ADGRF1: variants seen among roughly 807,000 people sequenced by gnomAD.
ADGRF1 encodes the protein adhesion G protein-coupled receptor F1, also known as G protein-coupled receptor 110.
Under a neutral mutation model 87.2 loss-of-function variants are expected in ADGRF1, and 85 were observed. The observed-to-expected ratio is 0.97, with a 90% CI of 0.82 to 1.17. ADGRF1 has a LOEUF of 1.17. ADGRF1 is among the 50% of genes most tolerant of loss of function. The pLI, the probability that ADGRF1 is intolerant of heterozygous loss-of-function variation, is 0.00. For missense variants in ADGRF1, 1,169 were observed against 1,077.2 expected, an observed-to-expected ratio of 1.09 and a Z score of -1.19; for synonymous variants, 430 against 408.8, an observed-to-expected ratio of 1.05 and a Z score of -0.63.
intron 1 of ADGRF1, among the ~76,000 whole-genome samples, chr6:47,041,218 G>A (rs1448481167): frequency 6.6e-6 from 1 of 152,228 alleles, no homozygotes; most frequent in African/African-American, 2.4e-5. Flanking sequence ...TTGGGTTATG[G>A]TTAGATAATG....
chr6:47,030,576 ATGTGTGTGTGTGTGTGTGTGTGTG>A (rs3030596), intron 1 of ADGRF1, among the ~76,000 whole-genome samples: 2 of 138,464 alleles, frequency 1.4e-5, no homozygotes, highest in African/African-American at 5.4e-5. Context: ...TAACATGAAT[ATGTGTGTGTGTGTGTGTGTGTGTG>A]TGTGTGTGTG....
chr6:47,000,109 G>T lies in ADGRF1; in HGVS notation c.*113C>A. 1.4e-6 allele frequency: 1 copy of T among 725,828 alleles called. No homozygotes were observed. The highest frequency in any genetic ancestry group is 2.4e-6 in the Non-Finnish European group (1 of 417,452). 45.0% of individuals were successfully genotyped at this position (725,828 alleles called of 1,614,324 possible). A position where few individuals can be genotyped will look rare whatever the true frequency, so the allele number is the denominator to read the frequency against. On this transcript the variant is annotated 3_prime_UTR_variant, in exon 15 of 15. Transcript: ENST00000371253. ...CTGAGACATTCTTGTTTTATTCCCA[G>T]ACCCCTAAATCAGAAAACCCGATCG...
intron 5 of ADGRF1, among the ~76,000 whole-genome samples, 192 bp downstream of exon 5, chr6:47,023,852 C>T (rs1780145587): frequency 6.6e-6 from 1 of 152,130 alleles, no homozygotes. Context: ...TCACATGTCA[C>T]CATGTGTTTC....
chr6:47,023,696 CA>C (rs1301677592), intron 5 of ADGRF1, among the ~76,000 whole-genome samples: 8 of 152,116 alleles, frequency 5.3e-5, no homozygotes, highest in Non-Finnish European at 1.2e-4. Flanking sequence ...TTGATGTTGG[CA>C]AAAGACGTGA....
At chr6:47,039,708 T>C (rs2113914616) in intron 1 of ADGRF1, among the ~76,000 whole-genome samples, 1 of 152,350 alleles carries the variant, frequency 6.6e-6, no homozygotes. Context: ...ACGCCTGTAA[T>C]CCCAGCACTT....
chr6:47,018,903 G>C, intron 7 of ADGRF1: 1 of 206,902 alleles, frequency 4.8e-6, no homozygotes, highest in Non-Finnish European at 9.9e-6. Context: ...AGACCAGCCT[G>C]AGCAACATAG....
At chr6:47,007,884 T>G (rs1779577647) in intron 11 of ADGRF1, among the ~76,000 whole-genome samples, 1 of 152,234 alleles carries the variant, frequency 6.6e-6, no homozygotes, top group African/African-American at 2.4e-5. Flanking sequence ...AGCTTGTCAC[T>G]GCTAGGGGCA....
intron 1 of ADGRF1, among the ~76,000 whole-genome samples, chr6:47,035,716 A>G (rs1238921081): frequency 1.3e-5 from 2 of 152,192 alleles, no homozygotes; most frequent in African/African-American, 4.8e-5. Flanking sequence ...TAAAATCATG[A>G]TTGTTAATTT....
chr6:47,024,594 G>A (rs59502967), intron 4 of ADGRF1, among the ~76,000 whole-genome samples: 2,645 of 152,140 alleles, frequency 0.017, 83 homozygotes, highest in African/African-American at 0.06. Context: ...GATTACAGGC[G>A]TGAGCCACCG....
intron 3 of ADGRF1, among the ~76,000 whole-genome samples, chr6:47,026,657 T>C (rs535681673): frequency 5.9e-5 from 9 of 152,008 alleles, no homozygotes; most frequent in Middle Eastern, 3.2e-3. Context: ...TCTTCTCCCA[T>C]CCAAAATTCA....
chr6:47,020,831 C>G, intron 6 of ADGRF1, 42 bp from the exon 7 acceptor site: 1 of 1,525,476 alleles, frequency 6.6e-7, no homozygotes, highest in Non-Finnish European at 9.1e-7. Context: ...TTGTTCTTCC[C>G]GTACTTCAGA....
intron 10 of ADGRF1, 35 bp downstream of exon 10, chr6:47,011,972 T>G: frequency 6.3e-7 from 1 of 1,585,186 alleles, no homozygotes; most frequent in South Asian, 1.1e-5. Flanking sequence ...GATCAAGCAT[T>G]TAAAGTGAGC....
intron 10 of ADGRF1, among the ~76,000 whole-genome samples, chr6:47,011,020 T>C (rs945349011): frequency 1.3e-5 from 2 of 152,228 alleles, no homozygotes; most frequent in Non-Finnish European, 2.9e-5. Context: ...ACCTGAGTCT[T>C]ACTCTGACCC....
rs778200511 is a variant in ADGRF1 at position 47,010,042 on chromosome 6, A to G, written c.1393T>C (p.Leu465=). The change falls in exon 11 of 15, where the codon TTA becomes CTA. Residue 465 remains leucine (L), a synonymous_variant. Transcript: ENST00000371253. ...CTCTGGAATTGGTCTGACCCAATTAACACACGGCCTCTGATGGGAATAGAT... is the reference window on the plus strand; with the variant it reads ...CTCTGGAATTGGTCTGACCCAATTAGCACACGGCCTCTGATGGGAATAGAT... ...NTSIPIRGRV[L]IGSDQFQRSL... is the part of the protein sequence containing the mutation. 6.2e-6 allele frequency: 10 copies of G among 1,614,198 alleles called. No homozygotes were observed. Among genetic ancestry groups the G allele is most frequent in the Non-Finnish European group, 7.6e-6 (9 of 1,180,032 alleles).
At chr6:47,008,435 A>T (rs960928093) in intron 11 of ADGRF1, among the ~76,000 whole-genome samples, 1 of 152,186 alleles carries the variant, frequency 6.6e-6, no homozygotes, top group Non-Finnish European at 1.5e-5. Flanking sequence ...TTTTGCAACT[A>T]CTCAACTCTG....
chr6:47,008,419 G>A (rs910773272), intron 11 of ADGRF1, among the ~76,000 whole-genome samples: 5 of 152,178 alleles, frequency 3.3e-5, no homozygotes, highest in Non-Finnish European at 5.9e-5. Flanking sequence ...CGGGCTATAC[G>A]GTTTCTTTTG....
At chr6:47,013,455 C>A (rs1181066639) in intron 9 of ADGRF1, 1 of 985,342 alleles carries the variant, frequency 1.0e-6, no homozygotes, top group African/African-American at 1.7e-5. Context: ...TCTACTGCAG[C>A]AGCAGAAGCA....
intron 7 of ADGRF1, chr6:47,017,974 AG>A (rs1477058490): frequency 6.1e-6 from 1 of 163,250 alleles, no homozygotes; most frequent in African/African-American, 2.4e-5. Flanking sequence ...ATTATAGCAC[AG>A]GATGGCTCCA....
chr6:47,041,279 A>G (rs1780735676), intron 1 of ADGRF1, among the ~76,000 whole-genome samples: 2 of 152,216 alleles, frequency 1.3e-5, no homozygotes, highest in Non-Finnish European at 2.9e-5. Context: ...TTGTGTTAAT[A>G]TTCTAACATA....
Sources: gnomAD v4.1 joint callset for allele counts (sites outside exome capture counted in the v4.1 genomes callset) on GRCh38, gnomAD v4.1.1 for gene constraint, MANE v1.5 for transcripts, NCBI Gene and HGNC (gene_info 2026-07-23, HGNC 2026-07-21) for gene names.